Variants in ARSB observed in about 807,000 individuals in gnomAD.
ARSB encodes the protein arylsulfatase B.
In ARSB, 41 loss-of-function variants were observed where a neutral mutation model predicts 50.9. The observed-to-expected ratio is 0.81, with a 90% CI of 0.63 to 1.04. The LOEUF (loss-of-function observed/expected upper bound fraction) is 1.04, where lower values mean the gene tolerates loss of function less well. Among genes scored for constraint, ARSB ranks in the 50% least tolerant of loss-of-function variants. ARSB has a pLI of 0.00. For missense variants in ARSB, 672 were observed against 693.3 expected (o/e 0.97, Z 0.35); for synonymous variants, 269 against 284.8 (o/e 0.94, Z 0.56).
At position 78,803,402 on chromosome 5, in the gene ARSB, C is replaced by A. The variant is rs150586795; in HGVS notation, c.1214-21428G>T. 2.1e-3 allele frequency among the ~76,000 whole-genome samples: 321 copies of A among 152,320 alleles called. 1 individual carries two copies. The highest frequency in any genetic ancestry group is 7.1e-3 in the African/African-American group (295 of 41,566). ...GGGGCTTTTCCAAGAGAAATATGTG[C>A]TACTAAAAAGTGATTTCTACACACA... On this transcript the variant is annotated intron_variant, in intron 6 of 7. Transcript: ENST00000264914.
chr5:78,883,886 T>G (rs1469563594), intron 5 of ARSB: 1 of 152,150 alleles, frequency 6.6e-6, no homozygotes, highest in Non-Finnish European at 1.5e-5. Flanking sequence ...ACCCTACTAT[T>G]TTTTAACATT....
chr5:78,826,992 G>T (rs187813871), intron 6 of ARSB, among the ~76,000 whole-genome samples: 152 of 152,186 alleles, frequency 1.0e-3, no homozygotes, highest in African/African-American at 3.4e-3. Context: ...GCACCTACAG[G>T]GGGTTCATCC....
chr5:78,889,821 G>A (rs1006554373), intron 4 of ARSB, among the ~76,000 whole-genome samples: 1 of 152,132 alleles, frequency 6.6e-6, no homozygotes, highest in African/African-American at 2.4e-5. Flanking sequence ...TGGCTTGGCC[G>A]TGGAGGGCTG....
In ARSB at chr5:78,985,167, G is replaced by T; in HGVS notation, c.82C>A (p.Leu28Met). Residue 28 changes from leucine (L) to methionine (M), a missense_variant, in exon 1 of 8, where the codon CTG becomes ATG. Leu to Met is a conservative substitution (Grantham distance 15, BLOSUM62 2). Coordinates refer to ENST00000264914, the MANE Select transcript of ARSB (RefSeq NM_000046.5). Reference sequence around the variant, plus strand: ...CCCGGCGGCGCCAACAACAGCAGCAGCAGCAGCGGGAGGACGACGGGGAGG... The same window carrying T: ...CCCGGCGGCGCCAACAACAGCAGCATCAGCAGCGGGAGGACGACGGGGAGG... ...LLLPVVLPLL[L>M]LLLLAPPGSG... is the part of the protein sequence containing the mutation. The T allele has an allele frequency of 1.4e-6, 2 of 1,440,718 alleles. No homozygotes were observed. Among genetic ancestry groups the T allele is most frequent in the Non-Finnish European group, 9.1e-7 (1 of 1,097,204 alleles). The allele number at this position is 1,440,718 out of a possible 1,614,324, so 89.2% of individuals were successfully genotyped here. A position where few individuals can be genotyped will look rare whatever the true frequency, so the allele number is the denominator to read the frequency against.
At chr5:78,902,573 A>G (rs1561491701) in intron 4 of ARSB, among the ~76,000 whole-genome samples, 1 of 152,352 alleles carries the variant, frequency 6.6e-6, no homozygotes, top group East Asian at 1.9e-4. Flanking sequence ...TAAAAGGGAT[A>G]TTATGCATCA....
intron 4 of ARSB, among the ~76,000 whole-genome samples, chr5:78,898,372 C>T (rs960408620): frequency 6.6e-6 from 1 of 152,158 alleles, no homozygotes; most frequent in Admixed American, 6.5e-5. Context: ...TAGTTCTATA[C>T]AAACTCTTTC....
intron 6 of ARSB, among the ~76,000 whole-genome samples, chr5:78,789,945 C>T (rs554817040): frequency 3.3e-5 from 5 of 152,256 alleles, no homozygotes; most frequent in African/African-American, 9.6e-5. Flanking sequence ...GGATGATTTT[C>T]TGGCATTAGA....
chr5:78,888,417 G>T (rs1330381095), intron 4 of ARSB, among the ~76,000 whole-genome samples: 3 of 152,126 alleles, frequency 2.0e-5, no homozygotes, highest in Non-Finnish European at 2.9e-5. Context: ...AAATACACTG[G>T]AAAGAAATAC....
intron 3 of ARSB, among the ~76,000 whole-genome samples, chr5:78,956,735 AG>A (rs1751744597): frequency 2.6e-5 from 4 of 152,210 alleles, no homozygotes. Context: ...CCTATGTTAC[AG>A]CAATTTTACA....
At chr5:78,831,651 G>T (rs1199418657) in intron 6 of ARSB, among the ~76,000 whole-genome samples, 2 of 152,206 alleles carry the variant, frequency 1.3e-5, no homozygotes, top group Non-Finnish European at 2.9e-5. Flanking sequence ...ACAGCCCTGA[G>T]TTCCAGCTCT....
At position 78,780,338 on chromosome 5, in the gene ARSB, G is replaced by T; in HGVS notation, c.*59C>A. ...TGGGATAACAAATGAGACAAGAGTC[G>T]TGAGAAAAGGCCTGAGGTCCAACTT... On this transcript the variant is annotated 3_prime_UTR_variant, in exon 8 of 8. Coordinates refer to ENST00000264914, the MANE Select transcript of ARSB (RefSeq NM_000046.5). The T allele has an allele frequency of 1.2e-6, 2 of 1,609,490 alleles. No homozygotes were observed. Among genetic ancestry groups the T allele is most frequent in the Non-Finnish European group, 1.7e-6 (2 of 1,178,250 alleles).
intron 4 of ARSB, among the ~76,000 whole-genome samples, chr5:78,929,750 G>C (rs1306573478): frequency 6.9e-6 from 1 of 144,494 alleles, no homozygotes; most frequent in African/African-American, 2.6e-5. Flanking sequence ...CCGAGATCGC[G>C]CCACTGCACT....
intron 4 of ARSB, among the ~76,000 whole-genome samples, chr5:78,929,792 CAAA>C (rs11355138): frequency 2.6e-3 from 279 of 106,600 alleles, no homozygotes; most frequent in African/African-American, 6.7e-3. Context: ...GACTCTGTCT[CAAA>C]AAAAAAAAAA....
intron 5 of ARSB, among the ~76,000 whole-genome samples, chr5:78,857,921 T>G (rs559434215): frequency 1.3e-5 from 2 of 152,336 alleles, no homozygotes; most frequent in South Asian, 4.1e-4. Context: ...TGATAGAACA[T>G]TTTTTATGTG....
Position 78,964,565 on chromosome 5 carries a change from A to G in ARSB, c.541T>C (p.Cys181Arg). 4 of 1,613,984 alleles carry G rather than the reference A, an allele frequency of 2.5e-6. No individual in the cohort carries two copies. Among genetic ancestry groups the G allele is most frequent in the Non-Finnish European group, 3.4e-6 (4 of 1,179,934 alleles). ...GSEDYYSHERCTLIDALNVTR... is the reference protein window; with the variant it reads ...GSEDYYSHERRTLIDALNVTR... ...ACATTCAGAGCGTCAATTAATGTAC[A>G]GCGTTCATGGGAATAATAATCTTCA... Residue 181 changes from cysteine to arginine, a missense_variant, in exon 3 of 8, where the codon TGT (cysteine) becomes CGT (arginine). Cys to Arg is a radical substitution (Grantham distance 180). Coordinates refer to ENST00000264914, the MANE Select transcript of ARSB (RefSeq NM_000046.5).
intron 4 of ARSB, among the ~76,000 whole-genome samples, chr5:78,921,119 A>T (rs1001339456): frequency 1.3e-5 from 2 of 152,092 alleles, no homozygotes; most frequent in South Asian, 2.1e-4. Context: ...TCCTTCCATG[A>T]TCTAAATTTC....
intron 5 of ARSB, among the ~76,000 whole-genome samples, chr5:78,877,354 C>T (rs754910722): frequency 1.3e-5 from 2 of 152,112 alleles, no homozygotes; most frequent in Non-Finnish European, 1.5e-5. Context: ...AACTTAACTG[C>T]ATCTCAGAAC....
intron 4 of ARSB, among the ~76,000 whole-genome samples, chr5:78,938,877 G>A (rs1396646473): frequency 6.6e-6 from 1 of 152,192 alleles, no homozygotes; most frequent in East Asian, 1.9e-4. Flanking sequence ...GTAGAAATGT[G>A]TTATTGAACA....
intron 4 of ARSB, among the ~76,000 whole-genome samples, chr5:78,935,929 C>T (rs1284149420): frequency 3.9e-5 from 4 of 102,494 alleles, no homozygotes. Flanking sequence ...CTCCCCTCTC[C>T]TCCACTCCCC....
Sources: gnomAD v4.1 joint callset for allele counts (sites outside exome capture counted in the v4.1 genomes callset) on GRCh38, gnomAD v4.1.1 for gene constraint, MANE v1.5 for transcripts, NCBI Gene and HGNC (gene_info 2026-07-23, HGNC 2026-07-21) for gene names.